OSBP2: variants seen among roughly 807,000 people sequenced by gnomAD.
OSBP2 encodes oxysterol-binding protein 2.
Under a neutral mutation model 96.0 loss-of-function variants are expected in OSBP2, and 66 were observed. The observed-to-expected ratio is 0.69, with a 90% confidence interval of 0.56 to 0.84. OSBP2 has a LOEUF of 0.84. Ranked by LOEUF, OSBP2 falls within the 40% of genes least tolerant of loss-of-function variation. The pLI is 0.00. For synonymous variants in OSBP2, 525 were observed against 520.9 expected (o/e 1.01, Z -0.11); for missense variants, 1,038 against 1,222.7 (o/e 0.85, Z 2.25).
chr22:30,716,125 T>C (rs1305961098), intron 1 of OSBP2, among the ~76,000 whole-genome samples: 1 of 150,868 alleles, frequency 6.6e-6, no homozygotes, highest in Non-Finnish European at 1.5e-5. Flanking sequence ...CACTGCAACC[T>C]CCACCTCCTG....
intron 2 of OSBP2, among the ~76,000 whole-genome samples, chr22:30,761,864 T>C (rs1299349266): frequency 6.6e-6 from 1 of 152,180 alleles, no homozygotes; most frequent in Non-Finnish European, 1.5e-5. Flanking sequence ...CAACAAGTAG[T>C]GTTGGAACAA....
intron 2 of OSBP2, among the ~76,000 whole-genome samples, chr22:30,813,929 A>G (rs184573424): frequency 3.3e-5 from 5 of 151,416 alleles, no homozygotes; most frequent in African/African-American, 9.7e-5. Context: ...CAGCCTCCCT[A>G]TTAGCTGGGA....
At chr22:30,749,499 T>C (rs2090046898) in intron 2 of OSBP2, among the ~76,000 whole-genome samples, 2 of 152,152 alleles carry the variant, frequency 1.3e-5, no homozygotes, top group East Asian at 3.8e-4. Context: ...CTGGAACAAA[T>C]GAACTTGTGA....
intron 2 of OSBP2, among the ~76,000 whole-genome samples, chr22:30,858,448 A>T (rs2147079537): frequency 1.3e-5 from 2 of 151,354 alleles, no homozygotes; most frequent in Middle Eastern, 3.4e-3. Flanking sequence ...GCCCGGCCTC[A>T]CTTTGTTTTT....
intron 3 of OSBP2, chr22:30,872,212 C>A (rs2039473122): frequency 2.2e-6 from 1 of 456,178 alleles, no homozygotes; most frequent in Admixed American, 2.3e-5. Context: ...CTCCTTACAG[C>A]CCACAGACCA....
intron 2 of OSBP2, among the ~76,000 whole-genome samples, chr22:30,810,292 A>C (rs998869631): frequency 6.6e-6 from 1 of 152,144 alleles, no homozygotes; most frequent in South Asian, 2.1e-4. Flanking sequence ...GGTCTTCCAC[A>C]GGAAGTGGTC....
chr22:30,905,333 G>A (rs918720422), intron 12 of OSBP2, among the ~76,000 whole-genome samples: 2 of 151,170 alleles, frequency 1.3e-5, no homozygotes, highest in African/African-American at 4.9e-5. Flanking sequence ...TAGTAGAAAC[G>A]GGCTTTCACT....
At chr22:30,850,574 A>C (rs1223305730) in intron 2 of OSBP2, among the ~76,000 whole-genome samples, 1 of 151,846 alleles carries the variant, frequency 6.6e-6, no homozygotes, top group Non-Finnish European at 1.5e-5. Context: ...ATCTCCGCTC[A>C]CTGCAACCTC....
At chr22:30,694,806 GC>G, upstream of OSBP2, 1 of 564,746 alleles carries the variant, frequency 1.8e-6, no homozygotes, top group Non-Finnish European at 2.2e-6. Flanking sequence ...ACCCGCGCGC[GC>G]CCCCGCCTCG....
intron 2 of OSBP2, among the ~76,000 whole-genome samples, chr22:30,804,436 C>T (rs560450731): frequency 7.9e-5 from 12 of 152,140 alleles, no homozygotes; most frequent in Admixed American, 1.3e-4. Context: ...TTCCTTGGAT[C>T]ATTGGATGCC....
intron 3 of OSBP2, among the ~76,000 whole-genome samples, chr22:30,876,886 G>A (rs747213459): frequency 2.0e-5 from 3 of 152,116 alleles, no homozygotes; most frequent in Non-Finnish European, 4.4e-5. Context: ...GCTGCATTAT[G>A]GTAGAGAAAT....
intron 2 of OSBP2, among the ~76,000 whole-genome samples, chr22:30,859,492 G>A (rs980913436): frequency 6.6e-5 from 10 of 152,246 alleles, no homozygotes; most frequent in African/African-American, 2.4e-4. Context: ...GTGACTGGCT[G>A]GGAGAAGCTA....
chr22:30,830,102 C>T (rs1202792339), intron 2 of OSBP2, among the ~76,000 whole-genome samples: 5 of 152,200 alleles, frequency 3.3e-5, no homozygotes, highest in South Asian at 2.1e-4. Flanking sequence ...GGGCCCGGCC[C>T]TGCCCACTGC....
intron 2 of OSBP2, among the ~76,000 whole-genome samples, chr22:30,820,826 C>G (rs578235126): frequency 2.0e-5 from 3 of 152,104 alleles, no homozygotes; most frequent in Non-Finnish European, 4.4e-5. Flanking sequence ...TCCCCCTGCC[C>G]GGCCAGTGAA....
intron 2 of OSBP2, among the ~76,000 whole-genome samples, chr22:30,810,140 G>A (rs181437165): frequency 2.0e-5 from 3 of 152,174 alleles, no homozygotes; most frequent in Admixed American, 1.3e-4. Flanking sequence ...GGACACCATC[G>A]CTTGGGCCCA....
intron 12 of OSBP2, among the ~76,000 whole-genome samples, chr22:30,900,142 T>C (rs1243041735): frequency 6.6e-6 from 1 of 151,812 alleles, no homozygotes; most frequent in Non-Finnish European, 1.5e-5. Context: ...TAATCCCAGC[T>C]ACTTTGGAGG....
chr22:30,858,291 C>CAT (rs1569153027), intron 2 of OSBP2, among the ~76,000 whole-genome samples: 1 of 151,044 alleles, frequency 6.6e-6, no homozygotes, highest in Admixed American at 6.6e-5. Flanking sequence ...GGACTACAGG[C>CAT]GCCCGCCACC....
At chr22:30,858,071 G>T (rs5753349) in intron 2 of OSBP2, among the ~76,000 whole-genome samples, 54 of 151,710 alleles carry the variant, frequency 3.6e-4, no homozygotes, top group Admixed American at 2.0e-3. Flanking sequence ...TCGCCAAGGG[G>T]GACCAATCAT....
chr22:30,854,661 T>C (rs1037839810), intron 2 of OSBP2, among the ~76,000 whole-genome samples: 2 of 151,878 alleles, frequency 1.3e-5, no homozygotes, highest in African/African-American at 4.8e-5. Flanking sequence ...AAAAAGCACC[T>C]TTTATATTTA....
Sources: allele counts gnomAD v4.1 joint callset (sites outside exome capture counted in the v4.1 genomes callset), GRCh38; gene constraint gnomAD v4.1.1; transcripts MANE v1.5; gene names NCBI Gene and HGNC (gene_info 2026-07-23, HGNC 2026-07-21).